PLSCR4: variants seen among roughly 807,000 people sequenced by gnomAD.
The protein encoded by PLSCR4 is phospholipid scramblase 4.
In PLSCR4, 25 loss-of-function variants were observed where a neutral mutation model predicts 36.3. That is an observed-to-expected ratio of 0.69 (90% CI 0.50 to 0.96). PLSCR4 has a LOEUF of 0.96. Among genes scored for constraint, PLSCR4 ranks in the 40% least tolerant of loss-of-function variants. PLSCR4 has a pLI of 0.00. For synonymous variants in PLSCR4, 122 were observed against 132.9 expected (o/e 0.92, Z 0.56); for missense variants, 408 against 414.7 (o/e 0.98, Z 0.14).
At chr3:146,212,774 T>A (rs1380397690) in intron 3 of PLSCR4, among the ~76,000 whole-genome samples, 1 of 152,226 alleles carries the variant, frequency 6.6e-6, no homozygotes. Flanking sequence ...GCAAGAAAGA[T>A]ACCCTGTCTC....
rs1023974264 is a variant in PLSCR4, at chr3:146,233,364, G to A, written c.-21-11272C>T. Among the ~76,000 whole-genome samples the A allele has an allele frequency of 2.0e-5, 3 of 152,040 alleles. No individual in the cohort carries two copies. The South Asian group carries it at 6.2e-4, about 32-fold the overall frequency. On this transcript the variant is annotated intron_variant, in intron 1 of 8. Coordinates refer to ENST00000354952, the MANE Select transcript of PLSCR4 (RefSeq NM_020353.3). ...AACACTAGAAAAGGTAGGTAAAACA[G>A]TCATATTTCAAAATTTTTGAACAGA...
At chr3:146,196,243 G>T (rs543162488) in intron 7 of PLSCR4, among the ~76,000 whole-genome samples, 1 of 151,994 alleles carries the variant, frequency 6.6e-6, no homozygotes, top group Non-Finnish European at 1.5e-5. Flanking sequence ...GGAGTACTTG[G>T]TATGTTCTGT....
intron 6 of PLSCR4, 100 bp downstream of exon 6, chr3:146,199,713 C>T (rs1436675631): frequency 4.2e-6 from 4 of 953,388 alleles, no homozygotes; most frequent in African/African-American, 1.6e-5. Context: ...TTCTGGCTGG[C>T]AGGGCCAGGG....
intron 1 of PLSCR4, among the ~76,000 whole-genome samples, chr3:146,231,687 T>G (rs2035721727): frequency 1.3e-5 from 2 of 151,958 alleles, no homozygotes; most frequent in East Asian, 3.8e-4. Flanking sequence ...TCATAACCTT[T>G]GCCCATTTTT....
chr3:146,226,383 T>C (rs2035479901), intron 1 of PLSCR4, among the ~76,000 whole-genome samples: 1 of 152,208 alleles, frequency 6.6e-6, no homozygotes, highest in South Asian at 2.1e-4. Context: ...GTTCTTGGGA[T>C]TGCAAACTAT....
Position 146,192,804 on chromosome 3 carries a change from C to A in PLSCR4, c.*1607G>T, listed in dbSNP as rs2033468594. ...AGGCAATTAATATTTTAGAAAGCAG[C>A]AACTTTTACTTTTTTTAAAAAAAAA... On this transcript the variant is annotated 3_prime_UTR_variant, in exon 9 of 9. Transcript: ENST00000354952. 6.7e-6 allele frequency: 1 copy of A among 149,736 alleles called. No homozygotes were observed. Among genetic ancestry groups the A allele is most frequent in the East Asian group, 1.9e-4 (1 of 5,166 alleles). The allele number at this position is 149,736 out of a possible 1,614,324, so 9.3% of individuals were successfully genotyped here.
At chr3:146,227,868 T>C (rs551048336) in intron 1 of PLSCR4, among the ~76,000 whole-genome samples, 74 of 152,342 alleles carry the variant, frequency 4.9e-4, no homozygotes, top group African/African-American at 1.7e-3. Context: ...GCTACCATGA[T>C]ATCCCTTTTG....
intron 3 of PLSCR4, among the ~76,000 whole-genome samples, chr3:146,209,720 G>A (rs1005808875): frequency 3.9e-5 from 6 of 151,956 alleles, no homozygotes; most frequent in African/African-American, 1.5e-4. Context: ...ACTGGGTCTT[G>A]GTTGTCTACC....
intron 3 of PLSCR4, among the ~76,000 whole-genome samples, chr3:146,217,471 CCAAT>C (rs2034950653): frequency 6.6e-6 from 1 of 152,090 alleles, no homozygotes; most frequent in African/African-American, 2.4e-5. Context: ...GAACTTTATG[CCAAT>C]CAAATGGAAA....
At chr3:146,219,805 T>C (rs2035057077) in intron 3 of PLSCR4, among the ~76,000 whole-genome samples, 1 of 152,094 alleles carries the variant, frequency 6.6e-6, no homozygotes, top group Admixed American at 6.6e-5. Flanking sequence ...CCGGGCGTGG[T>C]GGTGCATGCC....
rs2033455110 is a variant in PLSCR4 at position 146,192,645 on chromosome 3, A to C, written c.*1766T>G. On this transcript the variant is annotated 3_prime_UTR_variant, in exon 9 of 9. Transcript: ENST00000354952. ...AGCAGGTTTTGGAATACAGGGATTT[A>C]GGCAAGTTAAAAATAAAAAGTTTAT... The C allele has an allele frequency of 6.6e-6, 1 of 151,984 alleles. No individual in the cohort carries two copies. The highest frequency in any genetic ancestry group is 2.4e-5 in the African/African-American group (1 of 41,440). The allele number at this position is 151,984 out of a possible 1,614,324, so 9.4% of individuals were successfully genotyped here. A position where few individuals can be genotyped will look rare whatever the true frequency, so the allele number is the denominator to read the frequency against.
chr3:146,210,267 G>T (rs1213747061), intron 3 of PLSCR4, among the ~76,000 whole-genome samples: 1 of 151,790 alleles, frequency 6.6e-6, no homozygotes, highest in African/African-American at 2.4e-5. Context: ...CACAAATATA[G>T]GGGTCCAACT....
chr3:146,234,555 C>A (rs1351949891), intron 1 of PLSCR4, among the ~76,000 whole-genome samples: 1 of 151,674 alleles, frequency 6.6e-6, no homozygotes, highest in Admixed American at 6.6e-5. Context: ...CCTTTTTTTT[C>A]TCTCTGCCTT....
intron 1 of PLSCR4, chr3:146,223,654 G>A (rs2035281935): frequency 1.3e-5 from 2 of 152,056 alleles, no homozygotes; most frequent in African/African-American, 4.8e-5. Flanking sequence ...GTACGAGCCA[G>A]TATGCAGATT....
At chr3:146,250,832 G>A (rs114258246) in intron 1 of PLSCR4, 128 bp downstream of exon 1, 1,998 of 152,346 alleles carry the variant, frequency 0.013, 45 homozygotes, top group African/African-American at 0.046. Context: ...GCAGGACGCC[G>A]CGCAACCTCC....
chr3:146,207,324 C>T (rs1245531611), intron 3 of PLSCR4, among the ~76,000 whole-genome samples: 1 of 152,104 alleles, frequency 6.6e-6, no homozygotes, highest in African/African-American at 2.4e-5. Context: ...CAATCCTGAC[C>T]TCTTTTAGAT....
chr3:146,220,947 A>G (rs776901042), intron 2 of PLSCR4, 22 bp from the exon 3 acceptor site: 8 of 1,404,228 alleles, frequency 5.7e-6, no homozygotes, highest in Admixed American at 1.9e-5. Context: ...GACAGGGAAC[A>G]TGACTTACAA....
At chr3:146,242,784 C>T (rs62272060) in intron 1 of PLSCR4, among the ~76,000 whole-genome samples, 63 of 152,194 alleles carry the variant, frequency 4.1e-4, no homozygotes, top group Non-Finnish European at 7.6e-4. Context: ...AAATTCCTTA[C>T]GAAAGGCAAA....
chr3:146,239,254 G>C (rs141153028), intron 1 of PLSCR4, among the ~76,000 whole-genome samples: 160 of 152,126 alleles, frequency 1.1e-3, no homozygotes, highest in Non-Finnish European at 1.7e-3. Flanking sequence ...GAAATAAAAG[G>C]GTCCCATAAA....
Sources: gnomAD v4.1 joint callset for allele counts (sites outside exome capture counted in the v4.1 genomes callset) on GRCh38, gnomAD v4.1.1 for gene constraint, MANE v1.5 for transcripts, NCBI Gene and HGNC (gene_info 2026-07-23, HGNC 2026-07-21) for gene names.